Variants in SH3KBP1 observed in about 807,000 individuals in gnomAD.
SH3KBP1 encodes SH3 domain containing kinase binding protein 1, also known as SH3 domain-containing kinase-binding protein 1.
In SH3KBP1, 8 loss-of-function variants were observed where a neutral mutation model predicts 50.1. That is an observed-to-expected ratio of 0.16 (90% CI 0.09 to 0.29). The LOEUF is 0.29. Among genes scored for constraint, SH3KBP1 ranks in the 10% least tolerant of loss-of-function variants. The pLI is 1.00. For synonymous variants in SH3KBP1, 227 were observed against 218.6 expected, an observed-to-expected ratio of 1.04 and a Z score of -0.34; for missense variants, 377 against 535.2, an observed-to-expected ratio of 0.70 and a Z score of 2.92.
intron 6 of SH3KBP1, among the ~76,000 whole-genome samples, chrX:19,646,856 G>A (rs2062003173): frequency 9.0e-6 from 1 of 111,175 alleles, no homozygotes; most frequent in Admixed American, 9.5e-5. Flanking sequence ...CTTCTGTATT[G>A]GATAAAAAAT....
chrX:19,592,659 T>A (rs2066785564), intron 10 of SH3KBP1, among the ~76,000 whole-genome samples: 1 of 112,015 alleles, frequency 8.9e-6, no homozygotes, highest in Admixed American at 9.5e-5. Context: ...GGTGGGCCTG[T>A]GACTGCTTCA....
intron 2 of SH3KBP1, among the ~76,000 whole-genome samples, chrX:19,804,877 A>C (rs1318529036): frequency 6.6e-4 from 19 of 28,698 alleles, no homozygotes; most frequent in Non-Finnish European, 8.6e-4. Flanking sequence ...CCCAGCCCAA[A>C]CCCTACCCCC....
chrX:19,560,224 A>AC (rs1179662896), intron 13 of SH3KBP1, among the ~76,000 whole-genome samples: 2 of 111,357 alleles, frequency 1.8e-5, no homozygotes, highest in Non-Finnish European at 3.8e-5. Flanking sequence ...TAAGCCAAAA[A>AC]AAAAACCCCT....
rs765119132 is a variant in SH3KBP1 at position 19,854,805 on chromosome X, G to A, written c.5-18523C>T. Among the ~76,000 whole-genome samples, 19 of 110,596 alleles carry A rather than the reference G, an allele frequency of 1.7e-4. No individual in the cohort carries two copies. In the East Asian group the frequency reaches 4.3e-3, roughly 25 times the overall value. On this transcript the variant is annotated intron_variant, in intron 1 of 17. Transcript: ENST00000397821. ...TTCCCAACTCTTTACATCACAAAGT[G>A]CCCTCCAATCTCTTGGTCTGAGGTC...
chrX:19,548,479 G>A (rs760797842), intron 14 of SH3KBP1, among the ~76,000 whole-genome samples: 2 of 110,834 alleles, frequency 1.8e-5, no homozygotes, highest in Admixed American at 1.9e-4. Flanking sequence ...GAGGGAGAAG[G>A]GAAAGAAGGT....
intron 1 of SH3KBP1, among the ~76,000 whole-genome samples, chrX:19,878,505 T>TGTGTGTGTGTGTGA (rs1491094714): frequency 3.9e-4 from 19 of 48,253 alleles, no homozygotes; most frequent in African/African-American, 1.1e-3. Flanking sequence ...TGTGTGTGTG[T>TGTGTGTGTGTGTGA]GAGAGAGAGA....
intron 1 of SH3KBP1, among the ~76,000 whole-genome samples, chrX:19,850,900 C>T (rs1222685503): frequency 1.8e-5 from 2 of 110,151 alleles, no homozygotes; most frequent in Non-Finnish European, 3.8e-5. Context: ...ATAAGATCCC[C>T]AGGACACTCA....
At chrX:19,855,126 G>A (rs963668531) in intron 1 of SH3KBP1, among the ~76,000 whole-genome samples, 1 of 110,674 alleles carries the variant, frequency 9.0e-6, no homozygotes, top group African/African-American at 3.3e-5. Context: ...GGGATTACAG[G>A]TGCGCACCAC....
At chrX:19,632,516 T>C (rs1290174595) in intron 7 of SH3KBP1, among the ~76,000 whole-genome samples, 10 of 112,793 alleles carry the variant, frequency 8.9e-5, no homozygotes, top group Non-Finnish European at 7.5e-5. Flanking sequence ...CCAACAAGTA[T>C]TGACTGAACA....
intron 1 of SH3KBP1, among the ~76,000 whole-genome samples, chrX:19,885,573 T>C (rs1364063368): frequency 9.0e-6 from 1 of 111,060 alleles, no homozygotes; most frequent in Admixed American, 9.6e-5. Flanking sequence ...GTCTGATTCT[T>C]CTTAAATGAG....
intron 1 of SH3KBP1, among the ~76,000 whole-genome samples, chrX:19,868,993 T>TA (rs1321418322): frequency 9.1e-6 from 1 of 110,473 alleles, no homozygotes. Flanking sequence ...GATCCCAGTG[T>TA]AATCACACGG....
chrX:19,542,861 G>T (rs1036553483), intron 15 of SH3KBP1, among the ~76,000 whole-genome samples: 1 of 111,911 alleles, frequency 8.9e-6, no homozygotes, highest in African/African-American at 3.2e-5. Flanking sequence ...GGCCTTGGGG[G>T]CAGAGCTAAG....
chrX:19,622,075 T>C (rs1218726286), intron 8 of SH3KBP1, among the ~76,000 whole-genome samples: 1 of 112,670 alleles, frequency 8.9e-6, no homozygotes, highest in African/African-American at 3.2e-5. Context: ...AACTATAAAA[T>C]GAGGAAATTT....
intron 7 of SH3KBP1, among the ~76,000 whole-genome samples, chrX:19,635,094 C>T (rs922213471): frequency 3.6e-5 from 4 of 111,834 alleles, no homozygotes; most frequent in African/African-American, 9.7e-5. Flanking sequence ...GCTTCACACA[C>T]TTTAATTTAT....
chrX:19,846,689 G>C (rs942900836), intron 1 of SH3KBP1, among the ~76,000 whole-genome samples: 1 of 112,087 alleles, frequency 8.9e-6, no homozygotes, highest in Non-Finnish European at 1.9e-5. Flanking sequence ...ATGTATTAAT[G>C]TAATTACAGA....
intron 6 of SH3KBP1, among the ~76,000 whole-genome samples, chrX:19,679,146 T>TA (rs1290732245): frequency 4.5e-5 from 5 of 111,645 alleles, no homozygotes; most frequent in African/African-American, 6.5e-5. Flanking sequence ...CCTAACAACT[T>TA]ACCACTTCCT....
intron 1 of SH3KBP1, among the ~76,000 whole-genome samples, chrX:19,841,314 C>T (rs2068212094): frequency 8.9e-6 from 1 of 112,295 alleles, no homozygotes; most frequent in South Asian, 3.6e-4. Context: ...CTGGGAAAAG[C>T]CCTTATCTTT....
At chrX:19,725,890 G>C (rs181872898) in intron 3 of SH3KBP1, among the ~76,000 whole-genome samples, 133 of 112,185 alleles carry the variant, frequency 1.2e-3, no homozygotes, top group Non-Finnish European at 1.7e-3. Context: ...ACACAAGACA[G>C]GTATTTCCTC....
intron 1 of SH3KBP1, among the ~76,000 whole-genome samples, chrX:19,875,004 A>G (rs1340307030): frequency 1.8e-5 from 2 of 109,440 alleles, no homozygotes. Context: ...GAGGGAGGAG[A>G]TAGGCATTAG....
Sources: allele counts gnomAD v4.1 joint callset (sites outside exome capture counted in the v4.1 genomes callset), GRCh38; gene constraint gnomAD v4.1.1; transcripts MANE v1.5; gene names NCBI Gene and HGNC (gene_info 2026-07-23, HGNC 2026-07-21).